Variants in MACROD2 observed in about 807,000 individuals in gnomAD.
MACROD2 encodes mono-ADP ribosylhydrolase 2, also known as ADP-ribose glycohydrolase MACROD2.
A neutral mutation model predicts 70.4 loss-of-function variants in MACROD2; 36 were observed. The observed-to-expected ratio is 0.51, with a 90% CI of 0.39 to 0.68. The LOEUF is 0.68. Ranked by LOEUF, MACROD2 falls within the 30% of genes least tolerant of loss-of-function variation. The probability of loss-of-function intolerance (pLI) is 0.00; values close to 1 mark genes in which losing one functional copy is unlikely to be tolerated. For synonymous variants in MACROD2, 172 were observed against 178.8 expected (o/e 0.96, Z 0.30); for missense variants, 496 against 538.4 (o/e 0.92, Z 0.78).
intron 5 of MACROD2, among the ~76,000 whole-genome samples, chr20:14,700,600 G>A (rs2071185645): frequency 1.3e-5 from 2 of 151,730 alleles, no homozygotes; most frequent in South Asian, 4.1e-4. Flanking sequence ...TTAGTACTTT[G>A]AGGGAAAAAG....
At chr20:14,518,620 T>G (rs952379030) in intron 4 of MACROD2, among the ~76,000 whole-genome samples, 1 of 152,182 alleles carries the variant, frequency 6.6e-6, no homozygotes, top group African/African-American at 2.4e-5. Flanking sequence ...ATTAATACAA[T>G]TACATCATTT....
chr20:15,504,262 A>G (rs1210438178), intron 8 of MACROD2, among the ~76,000 whole-genome samples: 4 of 152,126 alleles, frequency 2.6e-5, no homozygotes, highest in East Asian at 3.9e-4. Flanking sequence ...GGCACAGCAT[A>G]TATTTAAGAG....
At chr20:15,545,489 A>G (rs755873568) in intron 8 of MACROD2, among the ~76,000 whole-genome samples, 2 of 152,332 alleles carry the variant, frequency 1.3e-5, no homozygotes, top group Admixed American at 1.3e-4. Context: ...CACACTCAGT[A>G]ATCTTGGAGT....
chr20:14,412,375 A>T (rs927983358), intron 3 of MACROD2, among the ~76,000 whole-genome samples: 1 of 152,164 alleles, frequency 6.6e-6, no homozygotes, highest in African/African-American at 2.4e-5. Context: ...CGCTCTTCAT[A>T]CCTCTCATTC....
At chr20:14,678,894 C>A (rs2070895064) in intron 4 of MACROD2, among the ~76,000 whole-genome samples, 1 of 151,924 alleles carries the variant, frequency 6.6e-6, no homozygotes, top group African/African-American at 2.4e-5. Context: ...TTTGACTTTA[C>A]TTTTTACTTT....
intron 5 of MACROD2, among the ~76,000 whole-genome samples, chr20:15,108,082 C>CA (rs2075925799): frequency 6.6e-6 from 1 of 151,562 alleles, no homozygotes; most frequent in Non-Finnish European, 1.5e-5. Context: ...ACTTTGGACT[C>CA]AAACAAGCTA....
chr20:14,432,065 A>G (rs985650236), intron 3 of MACROD2, among the ~76,000 whole-genome samples: 4 of 152,144 alleles, frequency 2.6e-5, no homozygotes, highest in African/African-American at 9.7e-5. Flanking sequence ...TTTTAATGTG[A>G]TTATTTGGCT....
At chr20:15,742,549 C>T (rs991064130) in intron 8 of MACROD2, among the ~76,000 whole-genome samples, 1 of 152,148 alleles carries the variant, frequency 6.6e-6, no homozygotes, top group East Asian at 1.9e-4. Flanking sequence ...ATTCATTATC[C>T]AGCATGTGTA....
chr20:14,651,977 C>G (rs1985702122), intron 4 of MACROD2, among the ~76,000 whole-genome samples: 1 of 151,888 alleles, frequency 6.6e-6, no homozygotes, highest in Non-Finnish European at 1.5e-5. Flanking sequence ...ACTGGAGTAT[C>G]TAGTAGGGGC....
At chr20:14,642,594 A>C (rs961400345) in intron 4 of MACROD2, among the ~76,000 whole-genome samples, 23 of 152,158 alleles carry the variant, frequency 1.5e-4, no homozygotes, top group Admixed American at 2.6e-4. Context: ...ATAGTTATTA[A>C]GTGGCCTAAT....
intron 5 of MACROD2, among the ~76,000 whole-genome samples, chr20:14,874,730 A>G (rs1019836785): frequency 6.6e-5 from 10 of 151,238 alleles, no homozygotes; most frequent in Non-Finnish European, 1.3e-4. Flanking sequence ...TTTGAGACAG[A>G]GTCTCACTCT....
At chr20:15,133,502 G>T (rs1029726823) in intron 5 of MACROD2, among the ~76,000 whole-genome samples, 1 of 152,022 alleles carries the variant, frequency 6.6e-6, no homozygotes, top group African/African-American at 2.4e-5. Context: ...ACATTGTTTG[G>T]CAAATAATTA....
intron 8 of MACROD2, among the ~76,000 whole-genome samples, chr20:15,740,902 A>G (rs2051095010): frequency 6.6e-6 from 1 of 151,902 alleles, no homozygotes; most frequent in South Asian, 2.1e-4. Flanking sequence ...CTCGCGTGCT[A>G]TCCTCTACAA....
At chr20:14,155,683 A>T (rs2055092621) in intron 3 of MACROD2, among the ~76,000 whole-genome samples, 1 of 152,006 alleles carries the variant, frequency 6.6e-6, no homozygotes, top group Non-Finnish European at 1.5e-5. Flanking sequence ...GCATTTTACT[A>T]TGTTTTATTA....
chr20:14,371,928 T>TC (rs957050787), intron 3 of MACROD2, among the ~76,000 whole-genome samples: 2 of 151,782 alleles, frequency 1.3e-5, no homozygotes, highest in Non-Finnish European at 2.9e-5. Flanking sequence ...CCACATTAGC[T>TC]CCCCCCAACC....
At chr20:14,366,860 C>G (rs2083277695) in intron 3 of MACROD2, among the ~76,000 whole-genome samples, 1 of 152,140 alleles carries the variant, frequency 6.6e-6, no homozygotes, top group African/African-American at 2.4e-5. Context: ...TTACTAATCT[C>G]TAGCTTTTTG....
intron 4 of MACROD2, among the ~76,000 whole-genome samples, chr20:14,506,997 A>G (rs962136689): frequency 2.6e-5 from 4 of 152,180 alleles, no homozygotes; most frequent in South Asian, 2.1e-4. Context: ...TTGCGATACT[A>G]TATCATTCAA....
intron 3 of MACROD2, among the ~76,000 whole-genome samples, chr20:14,304,771 T>C (rs1274513726): frequency 6.8e-5 from 1 of 14,808 alleles, no homozygotes; most frequent in East Asian, 2.0e-3. Flanking sequence ...GTCTTTTTTA[T>C]GTTTTTTTTT....
chr20:14,020,473 CA>C (rs1185745407), intron 2 of MACROD2, among the ~76,000 whole-genome samples: 1 of 151,674 alleles, frequency 6.6e-6, no homozygotes, highest in Non-Finnish European at 1.5e-5. Flanking sequence ...AACTCCATCT[CA>C]AAAAAAATAA....
Sources: allele counts gnomAD v4.1 joint callset (sites outside exome capture counted in the v4.1 genomes callset), GRCh38; gene constraint gnomAD v4.1.1; transcripts MANE v1.5; gene names NCBI Gene and HGNC (gene_info 2026-07-23, HGNC 2026-07-21).